Variants in CLEC9A observed in about 807,000 individuals in gnomAD.
The protein encoded by CLEC9A is C-type lectin domain family 9 member A.
In CLEC9A, 24 loss-of-function variants were observed where a neutral mutation model predicts 30.0. That is an observed-to-expected ratio of 0.80 (90% CI 0.58 to 1.13). CLEC9A has a LOEUF of 1.13. CLEC9A is among the 50% of genes most tolerant of loss of function. The pLI, the probability that CLEC9A is intolerant of heterozygous loss-of-function variation, is 0.00. For missense variants in CLEC9A, 251 were observed against 280.9 expected, an observed-to-expected ratio of 0.89 and a Z score of 0.76; for synonymous variants, 111 against 96.8, an observed-to-expected ratio of 1.15 and a Z score of -0.86.
intron 5 of CLEC9A, among the ~76,000 whole-genome samples, chr12:10,058,300 T>A (rs1008151493): frequency 3.9e-5 from 6 of 152,292 alleles, no homozygotes; most frequent in Middle Eastern, 6.8e-3. Context: ...ACATGCCAGA[T>A]TATTAATAGG....
At chr12:10,055,470 A>T (rs1865933625) in intron 5 of CLEC9A, among the ~76,000 whole-genome samples, 3 of 152,192 alleles carry the variant, frequency 2.0e-5, no homozygotes, top group Admixed American at 2.0e-4. Context: ...TTTAACTTGC[A>T]TTGCAAATAT....
chr12:10,046,979 A>G (rs1174690174), intron 2 of CLEC9A, among the ~76,000 whole-genome samples: 1 of 152,206 alleles, frequency 6.6e-6, no homozygotes, highest in Non-Finnish European at 1.5e-5. Context: ...AGTACTGATC[A>G]GAATACCAAG....
At chr12:10,057,542 G>A (rs1178297009) in intron 5 of CLEC9A, among the ~76,000 whole-genome samples, 2 of 151,764 alleles carry the variant, frequency 1.3e-5, no homozygotes, top group African/African-American at 4.8e-5. Flanking sequence ...AGAACACAAT[G>A]CCATTATTTA....
chr12:10,065,412 A>G (rs1866034656), intron 8 of CLEC9A, 88 bp from the exon 9 acceptor site: 1 of 1,473,534 alleles, frequency 6.8e-7, no homozygotes, highest in Non-Finnish European at 9.2e-7. Context: ...AAACAAAACA[A>G]GCAGCTACAC....
chr12:10,040,582 C>T (rs536873802), intron 1 of CLEC9A, among the ~76,000 whole-genome samples: 3 of 151,906 alleles, frequency 2.0e-5, no homozygotes, highest in African/African-American at 4.8e-5. Context: ...TCCCGAGTAG[C>T]GGGGACTACA....
At chr12:10,047,420 T>C (rs981026581) in intron 2 of CLEC9A, among the ~76,000 whole-genome samples, 1 of 152,182 alleles carries the variant, frequency 6.6e-6, no homozygotes, top group African/African-American at 2.4e-5. Flanking sequence ...TACAAAGATT[T>C]TTTTCCTGGT....
intron 2 of CLEC9A, among the ~76,000 whole-genome samples, chr12:10,047,354 T>A (rs1315985641): frequency 6.6e-6 from 1 of 152,248 alleles, no homozygotes; most frequent in Non-Finnish European, 1.5e-5. Context: ...AGAAGGATAG[T>A]ATTTTAGTGC....
intron 2 of CLEC9A, among the ~76,000 whole-genome samples, chr12:10,044,430 T>C (rs1865827411): frequency 6.6e-6 from 1 of 152,236 alleles, no homozygotes; most frequent in East Asian, 1.9e-4. Context: ...TCACAGACCA[T>C]GGGCTTTATC....
intron 1 of CLEC9A, among the ~76,000 whole-genome samples, 157 bp from the exon 2 acceptor site, chr12:10,041,309 G>T (rs1389292313): frequency 2.6e-5 from 4 of 152,122 alleles, no homozygotes; most frequent in Admixed American, 2.6e-4. Context: ...CTTTTAGTAG[G>T]TATTGTTTTT....
intron 1 of CLEC9A, among the ~76,000 whole-genome samples, chr12:10,032,357 T>C (rs1248330781): frequency 6.7e-6 from 1 of 149,920 alleles, no homozygotes; most frequent in Non-Finnish European, 1.5e-5. Context: ...ATCTGTATAT[T>C]AAAATCCATC....
intron 5 of CLEC9A, among the ~76,000 whole-genome samples, chr12:10,055,324 C>A (rs750472152): frequency 1.4e-4 from 22 of 152,124 alleles, no homozygotes; most frequent in Non-Finnish European, 2.9e-4. Flanking sequence ...TATTAAATAC[C>A]TGTGGAAACA....
At chr12:10,061,631 T>C (rs966184183) in intron 6 of CLEC9A, among the ~76,000 whole-genome samples, 2 of 152,210 alleles carry the variant, frequency 1.3e-5, no homozygotes, top group Non-Finnish European at 2.9e-5. Flanking sequence ...ATATATTTAG[T>C]TTAGATATTG....
intron 2 of CLEC9A, among the ~76,000 whole-genome samples, chr12:10,043,946 T>C (rs1865822035): frequency 6.6e-6 from 1 of 152,180 alleles, no homozygotes; most frequent in African/African-American, 2.4e-5. Flanking sequence ...CCCAAAGTGC[T>C]GGCATTACAG....
chr12:10,049,054 A>G (rs1336777105), intron 2 of CLEC9A, among the ~76,000 whole-genome samples: 1 of 152,232 alleles, frequency 6.6e-6, no homozygotes, highest in Non-Finnish European at 1.5e-5. Flanking sequence ...AGGCTGTGTT[A>G]GCAGGAATGA....
chr12:10,033,262 G>A (rs1022850697), intron 1 of CLEC9A, among the ~76,000 whole-genome samples: 1 of 151,730 alleles, frequency 6.6e-6, no homozygotes, highest in African/African-American at 2.4e-5. Flanking sequence ...CCAGAATTCA[G>A]TTCTTGGTCC....
intron 2 of CLEC9A, chr12:10,043,236 GGT>G (rs747941647): frequency 8.3e-5 from 30 of 362,322 alleles, no homozygotes; most frequent in Non-Finnish European, 1.5e-4. Flanking sequence ...AGCCAGGACT[GGT>G]TTAATTCATT....
chr12:10,040,506 G>A lies in CLEC9A; in HGVS notation c.-317-960G>A, dbSNP rs554455233. ...TGCTCTGTCGCCCAGGCTGGAGTGCGGTGGCGCCATCTCGGCTCACTGTAA... is the reference window on the plus strand; with the variant it reads ...TGCTCTGTCGCCCAGGCTGGAGTGCAGTGGCGCCATCTCGGCTCACTGTAA... On this transcript the variant is annotated intron_variant, in intron 1 of 8. Coordinates refer to ENST00000355819, the MANE Select transcript of CLEC9A (RefSeq NM_207345.4). Among the ~76,000 whole-genome samples, 176 of 149,826 alleles carry A rather than the reference G, an allele frequency of 1.2e-3. 1 individual carries two copies. The highest frequency in any genetic ancestry group is 3.3e-3 in the African/African-American group (136 of 40,696).
Position 10,035,323 on chromosome 12 carries a change from C to G in CLEC9A, c.-318+4351C>G, listed in dbSNP as rs564044380. ...CAGGAGTGCCTGTCCTCATCCAGGT[C>G]GGTGGGCAAAGGCCCGGGGGTGGAG... On this transcript the variant is annotated intron_variant, in intron 1 of 8. Transcript: ENST00000355819. Among the ~76,000 whole-genome samples, 15 of 152,256 alleles carry G rather than the reference C, an allele frequency of 9.9e-5. No individual in the cohort carries two copies. The South Asian group carries it at 3.1e-3, about 32-fold the overall frequency.
At chr12:10,065,102 T>C (rs1016596901) in intron 8 of CLEC9A, among the ~76,000 whole-genome samples, 2 of 152,182 alleles carry the variant, frequency 1.3e-5, no homozygotes, top group African/African-American at 2.4e-5. Context: ...ATGAATAATA[T>C]AATTATCAAG....
Sources: gnomAD v4.1 joint callset for allele counts (sites outside exome capture counted in the v4.1 genomes callset) on GRCh38, gnomAD v4.1.1 for gene constraint, MANE v1.5 for transcripts, NCBI Gene and HGNC (gene_info 2026-07-23, HGNC 2026-07-21) for gene names.